The following IMPA1 variants were observed in gnomAD, a reference collection of about 807,000 sequenced individuals.
IMPA1 encodes the protein D-galactose 1-phosphate phosphatase.
In IMPA1, 21 loss-of-function variants were observed where a neutral mutation model predicts 34.9. The ratio of observed to expected loss-of-function variants is 0.60; its 90% CI spans 0.43 to 0.87. The LOEUF is 0.87. Ranked by LOEUF, IMPA1 falls within the 40% of genes least tolerant of loss-of-function variation. IMPA1 has a pLI of 0.00. For synonymous variants in IMPA1, 95 were observed against 104.4 expected (o/e 0.91, Z 0.55); for missense variants, 299 against 336.4 (o/e 0.89, Z 0.87).
Position 81,680,729 on chromosome 8 carries a change from C to T in IMPA1, c.118G>A (p.Val40Ile). Residue 40 changes from valine to isoleucine, a missense_variant, in exon 3 of 9, where the codon GTT (valine) becomes ATT (isoleucine). Transcript: ENST00000256108. The stretch of plus-strand genomic sequence containing the variant: ...TGGTCCGTAGCAGTTACCAAATCAA[C>T]TGGAGAACTTTTCAGCATAACATTC... Reference protein sequence around the residue: ...EMNVMLKSSPVDLVTATDQKV... With the variant: ...EMNVMLKSSPIDLVTATDQKV... The T allele has an allele frequency of 6.2e-7, 1 of 1,611,450 alleles. No individual in the cohort carries two copies. The highest frequency in any genetic ancestry group is 8.5e-7 in the Non-Finnish European group (1 of 1,177,648).
intron 1 of IMPA1, among the ~76,000 whole-genome samples, chr8:81,682,110 T>C (rs1197829709): frequency 1.3e-5 from 2 of 152,194 alleles, no homozygotes; most frequent in African/African-American, 4.8e-5. Context: ...TAAAGTCCAT[T>C]TTTCTTTCTA....
At chr8:81,680,333 T>A (rs1232776276) in intron 3 of IMPA1, among the ~76,000 whole-genome samples, 1 of 152,180 alleles carries the variant, frequency 6.6e-6, no homozygotes, top group African/African-American at 2.4e-5. Context: ...TCTCCCTTCC[T>A]GTGCCACCTG....
rs754823910 is a variant in IMPA1, at chr8:81,676,296, G to A, written c.303-17C>T. 60 of 1,208,498 alleles carry A rather than the reference G, an allele frequency of 5.0e-5. No homozygotes were observed. The highest frequency in any genetic ancestry group is 6.4e-5 in the Non-Finnish European group (55 of 862,426). The allele number at this position is 1,208,498 out of a possible 1,614,324, so 74.9% of individuals were successfully genotyped here. A position where few individuals can be genotyped will look rare whatever the true frequency, so the allele number is the denominator to read the frequency against. On this transcript the variant is annotated splice_polypyrimidine_tract_variant and intron_variant, in intron 4 of 8. Coordinates refer to ENST00000256108, the MANE Select transcript of IMPA1 (RefSeq NM_005536.4). ...AAAGGAAATCTTTTTTTAAAAAAAA[G>A]GACAAAATACAAATTAACCAACATA... is the stretch of plus-strand genomic sequence containing the variant.
chr8:81,683,415 A>G (rs1272099847), intron 1 of IMPA1, among the ~76,000 whole-genome samples: 3 of 152,152 alleles, frequency 2.0e-5, no homozygotes, highest in African/African-American at 7.2e-5. Flanking sequence ...TTTTGCTGGT[A>G]GAGAAGTTAA....
intron 5 of IMPA1, among the ~76,000 whole-genome samples, chr8:81,675,333 G>C (rs1807102222): frequency 7.4e-6 from 1 of 135,314 alleles, no homozygotes; most frequent in Admixed American, 9.0e-5. Flanking sequence ...CTGTTATGAA[G>C]ATTTTCCCAA....
intron 7 of IMPA1, among the ~76,000 whole-genome samples, chr8:81,670,313 T>A (rs1382090476): frequency 6.6e-6 from 1 of 151,872 alleles, no homozygotes; most frequent in East Asian, 1.9e-4. Flanking sequence ...ATAGCCTAAA[T>A]ATCTACATCA....
chr8:81,671,051 A>C lies in IMPA1; in HGVS notation c.458-4T>G. On this transcript the variant is annotated splice_polypyrimidine_tract_variant and splice_region_variant and intron_variant, in intron 6 of 8. Coordinates refer to ENST00000256108, the MANE Select transcript of IMPA1 (RefSeq NM_005536.4). ...ACCAAGAGAGATTTGGTAATATCTA[A>C]AAAGAAAGTGTTAGGTTTCAATATT... 7.1e-7 allele frequency: 1 copy of C among 1,406,296 alleles called. No individual in the cohort carries two copies. Among genetic ancestry groups the C allele is most frequent in the Non-Finnish European group, 9.5e-7 (1 of 1,052,704 alleles). 87.1% of individuals were successfully genotyped at this position (1,406,296 alleles called of 1,614,324 possible). A position where few individuals can be genotyped will look rare whatever the true frequency, so the allele number is the denominator to read the frequency against.
At chr8:81,660,414 A>G (rs2303581) in intron 8 of IMPA1, 102 bp downstream of exon 8, 109,536 of 942,740 alleles carry the variant, frequency 0.12, 7,208 homozygotes, top group Middle Eastern at 0.14. Context: ...TTTCTGCTTC[A>G]AAAACTGCAG....
intron 3 of IMPA1, among the ~76,000 whole-genome samples, chr8:81,680,150 AG>A (rs1241786486): frequency 5.5e-5 from 8 of 144,776 alleles, no homozygotes; most frequent in Non-Finnish European, 1.2e-4. Flanking sequence ...AAAAAAAAAA[AG>A]GTCACTCTCT....
At chr8:81,676,140 C>G (rs1807123340) in intron 5 of IMPA1, 94 bp downstream of exon 5, 1 of 506,568 alleles carries the variant, frequency 2.0e-6, no homozygotes, top group Non-Finnish European at 3.4e-6. Context: ...ATCAAATATA[C>G]AGACAAACCT....
At chr8:81,674,558 G>T in intron 5 of IMPA1, 1 of 301,616 alleles carries the variant, frequency 3.3e-6, no homozygotes, top group Non-Finnish European at 6.5e-6. Context: ...ACTGGCTCAA[G>T]ACTTATTCAA....
chr8:81,678,187 C>T (rs906919872), intron 4 of IMPA1, among the ~76,000 whole-genome samples: 27 of 150,728 alleles, frequency 1.8e-4, no homozygotes, highest in Non-Finnish European at 3.1e-4. Context: ...TTTTTTTTGC[C>T]GGCCCCAGCC....
chr8:81,681,581 A>G lies in IMPA1; in HGVS notation c.-21T>C, dbSNP rs1468236903. ...GCCATCTTCTGAAAATATTTGACAA[A>G]TATCTGTACAAAGTAGTTATAACTG... On this transcript the variant is annotated 5_prime_UTR_variant, in exon 2 of 9. Transcript: ENST00000256108. The G allele has an allele frequency of 1.3e-6, 2 of 1,567,148 alleles. No homozygotes were observed. Among genetic ancestry groups the G allele is most frequent in the East Asian group, 2.2e-5 (1 of 44,688 alleles).
intron 4 of IMPA1, among the ~76,000 whole-genome samples, chr8:81,676,621 G>T (rs1807139330): frequency 6.6e-6 from 1 of 152,198 alleles, no homozygotes; most frequent in South Asian, 2.1e-4. Context: ...AAATGGAAGT[G>T]TGAAGGGCAT....
intron 1 of IMPA1, among the ~76,000 whole-genome samples, chr8:81,683,693 A>G (rs981815541): frequency 6.6e-5 from 10 of 152,192 alleles, no homozygotes; most frequent in African/African-American, 2.4e-4. Flanking sequence ...AGGCAGCTGA[A>G]TCATGGATCC....
rs1414122479 is a variant in IMPA1, at chr8:81,658,930, C to A, written c.*421G>T. ...AGTTGGCCTAGGGTACTCAGTATAT[C>A]CTTACAAATTTAATTATATATGGTT... On this transcript the variant is annotated 3_prime_UTR_variant, in exon 9 of 9. Transcript: ENST00000256108. 2 of 189,552 alleles carry A rather than the reference C, an allele frequency of 1.1e-5. No homozygotes were observed. The highest frequency in any genetic ancestry group is 2.1e-5 in the Non-Finnish European group (2 of 94,072). 11.7% of individuals were successfully genotyped at this position (189,552 alleles called of 1,614,324 possible).
chr8:81,684,564 T>TGTA (rs1563592526), intron 1 of IMPA1, among the ~76,000 whole-genome samples: 1 of 142,996 alleles, frequency 7.0e-6, no homozygotes, highest in African/African-American at 2.6e-5. Context: ...GATACTAATG[T>TGTA]GTAGTATATA....
chr8:81,680,910 C>A, intron 2 of IMPA1, 127 bp from the exon 3 acceptor site: 1 of 709,574 alleles, frequency 1.4e-6, no homozygotes, highest in Non-Finnish European at 2.2e-6. Flanking sequence ...TTAAAAATGT[C>A]TTACAAATAT....
chr8:81,674,819 T>C (rs771935707), intron 5 of IMPA1: 11 of 455,658 alleles, frequency 2.4e-5, no homozygotes, highest in South Asian at 1.7e-4. Context: ...GGGAAGAACC[T>C]ACGGTTCCAA....
Sources: allele counts gnomAD v4.1 joint callset (sites outside exome capture counted in the v4.1 genomes callset), GRCh38; gene constraint gnomAD v4.1.1; transcripts MANE v1.5; gene names NCBI Gene and HGNC (gene_info 2026-07-23, HGNC 2026-07-21).